The following EVI5 variants were observed in gnomAD, a reference collection of about 807,000 sequenced individuals.
EVI5 encodes the protein ecotropic viral integration site 5 protein homolog.
A neutral mutation model predicts 112.0 loss-of-function variants in EVI5; 73 were observed. That is an observed-to-expected ratio of 0.65 (90% CI 0.54 to 0.79). The LOEUF is 0.79. EVI5 is among the 30% of genes least tolerant of loss of function. The pLI, the probability that EVI5 is intolerant of heterozygous loss-of-function variation, is 0.00. For missense variants in EVI5, 900 were observed against 968.8 expected (o/e 0.93, Z 0.94); for synonymous variants, 305 against 319.9 (o/e 0.95, Z 0.50).
intron 1 of EVI5, among the ~76,000 whole-genome samples, chr1:92,752,435 A>G (rs1680327225): frequency 6.6e-6 from 1 of 152,122 alleles, no homozygotes; most frequent in South Asian, 2.1e-4. Context: ...TCGACCTCCC[A>G]AAGTGCTGGG....
intron 18 of EVI5, among the ~76,000 whole-genome samples, chr1:92,594,953 G>T (rs1197627377): frequency 6.6e-6 from 1 of 152,118 alleles, no homozygotes. Flanking sequence ...AGGAACACTT[G>T]TACACTGTTG....
chr1:92,587,810 T>C (rs180819113), intron 18 of EVI5, among the ~76,000 whole-genome samples: 4 of 152,308 alleles, frequency 2.6e-5, no homozygotes, highest in Admixed American at 2.6e-4. Flanking sequence ...AAACTTTCCA[T>C]TACTTGTAAC....
intron 3 of EVI5, 87 bp downstream of exon 3, chr1:92,704,468 T>C: frequency 1.3e-6 from 1 of 766,700 alleles, no homozygotes; most frequent in Non-Finnish European, 2.1e-6. Context: ...GGAAGTTGTA[T>C]TTGGGGTTTT....
At chr1:92,592,121 C>T (rs1312734313) in intron 18 of EVI5, among the ~76,000 whole-genome samples, 2 of 152,136 alleles carry the variant, frequency 1.3e-5, no homozygotes, top group Admixed American at 6.5e-5. Flanking sequence ...CAGGTGCCTG[C>T]AGTCCCAGCT....
At chr1:92,666,512 T>C (rs961370246) in intron 10 of EVI5, among the ~76,000 whole-genome samples, 1 of 87,396 alleles carries the variant, frequency 1.1e-5, no homozygotes, top group Non-Finnish European at 2.2e-5. Flanking sequence ...GAGGTGGGGG[T>C]GGTGGAAGTT....
chr1:92,625,667 A>G, intron 15 of EVI5, 127 bp downstream of exon 15: 1 of 663,178 alleles, frequency 1.5e-6, no homozygotes, highest in Non-Finnish European at 2.6e-6. Context: ...CTCAATTTTG[A>G]CATTAAACAG....
chr1:92,659,826 A>G (rs1663665706), intron 13 of EVI5, among the ~76,000 whole-genome samples: 1 of 152,080 alleles, frequency 6.6e-6, no homozygotes, highest in African/African-American at 2.4e-5. Flanking sequence ...AAGATATGGA[A>G]TCAACCTAAG....
chr1:92,586,664 T>A (rs1423319578), intron 18 of EVI5, among the ~76,000 whole-genome samples: 1 of 149,566 alleles, frequency 6.7e-6, no homozygotes, highest in East Asian at 2.0e-4. Context: ...CTTCCTTACT[T>A]ATTGGCATTA....
chr1:92,785,141 C>CCTA (rs569437686), upstream of EVI5: 72 of 983,832 alleles, frequency 7.3e-5, 1 homozygote, highest in South Asian at 2.5e-3. Flanking sequence ...TTAAAGAGAC[C>CCTA]CGGCAGCCTC....
intron 2 of EVI5, among the ~76,000 whole-genome samples, chr1:92,718,960 A>G (rs1402972090): frequency 6.6e-6 from 1 of 152,128 alleles, no homozygotes; most frequent in African/African-American, 2.4e-5. Context: ...AAATGGATGA[A>G]TCCTGGACAC....
intron 2 of EVI5, among the ~76,000 whole-genome samples, chr1:92,725,111 T>G (rs1675367113): frequency 6.6e-6 from 1 of 152,166 alleles, no homozygotes; most frequent in Admixed American, 6.5e-5. Flanking sequence ...GAAAGAACTA[T>G]ACAGAGATCT....
At chr1:92,722,373 G>C (rs1215502876) in intron 2 of EVI5, among the ~76,000 whole-genome samples, 1 of 151,916 alleles carries the variant, frequency 6.6e-6, no homozygotes, top group Admixed American at 6.6e-5. Flanking sequence ...GTGCAGGTTT[G>C]TTATATATGT....
intron 1 of EVI5, among the ~76,000 whole-genome samples, chr1:92,770,709 G>A (rs987249323): frequency 1.3e-5 from 2 of 151,724 alleles, no homozygotes; most frequent in African/African-American, 2.4e-5. Context: ...AGAATGGTGT[G>A]AACCCGGGAG....
intron 19 of EVI5, among the ~76,000 whole-genome samples, chr1:92,546,620 C>A (rs906068739): frequency 6.6e-6 from 1 of 151,906 alleles, no homozygotes; most frequent in Non-Finnish European, 1.5e-5. Flanking sequence ...TGCTTGAATC[C>A]GGGAGGCGGA....
Position 92,512,011 on chromosome 1 carries a change from ATGTT to A in EVI5, c.*1641_*1644del, listed in dbSNP as rs1385379732. 1 of 152,158 alleles carries A rather than the reference ATGTT, an allele frequency of 6.6e-6. No homozygotes were observed. Among genetic ancestry groups the A allele is most frequent in the Non-Finnish European group, 1.5e-5 (1 of 67,962 alleles). 9.4% of individuals were successfully genotyped at this position (152,158 alleles called of 1,614,324 possible). On this transcript the variant is annotated 3_prime_UTR_variant, in exon 20 of 20. Transcript: ENST00000684568. ...AAGGCTTTTTCCATAGGTTAACAAA[ATGTT>A]TTTTTTTTCATAGGCTAACAAAAAT...
intron 19 of EVI5, among the ~76,000 whole-genome samples, chr1:92,551,912 C>G (rs1173826542): frequency 6.6e-6 from 1 of 152,118 alleles, no homozygotes; most frequent in Non-Finnish European, 1.5e-5. Flanking sequence ...AGTGGTTTCT[C>G]ATGATTTATA....
chr1:92,734,318 C>G (rs1676994573), intron 2 of EVI5, among the ~76,000 whole-genome samples: 1 of 152,148 alleles, frequency 6.6e-6, no homozygotes, highest in African/African-American at 2.4e-5. Flanking sequence ...GATGGGATAG[C>G]TCAACTTCAT....
chr1:92,715,812 C>T (rs556613928), intron 2 of EVI5, among the ~76,000 whole-genome samples: 79 of 152,216 alleles, frequency 5.2e-4, no homozygotes, highest in Non-Finnish European at 9.6e-4. Context: ...GATTATATCT[C>T]GCGCCTGGCT....
At chr1:92,526,083 G>A (rs916367595) in intron 19 of EVI5, among the ~76,000 whole-genome samples, 1 of 152,118 alleles carries the variant, frequency 6.6e-6, no homozygotes, top group Admixed American at 6.5e-5. Flanking sequence ...TTTTGAGATG[G>A]GGTCTCCCTG....
Sources: gnomAD v4.1 joint callset for allele counts (sites outside exome capture counted in the v4.1 genomes callset) on GRCh38, gnomAD v4.1.1 for gene constraint, MANE v1.5 for transcripts, NCBI Gene and HGNC (gene_info 2026-07-23, HGNC 2026-07-21) for gene names.